ARNT2: variants seen among roughly 807,000 people sequenced by gnomAD.
The protein encoded by ARNT2 is ARNT protein 2.
ARNT2 carries 36 observed loss-of-function variants against 91.7 expected under a neutral mutation model. The ratio of observed to expected loss-of-function variants is 0.39; its 90% confidence interval spans 0.30 to 0.52. The LOEUF (loss-of-function observed/expected upper bound fraction) is 0.52, where lower values mean the gene tolerates loss of function less well. Among genes scored for constraint, ARNT2 ranks in the 20% least tolerant of loss-of-function variants. The pLI, the probability that ARNT2 is intolerant of heterozygous loss-of-function variation, is 0.72. For synonymous variants in ARNT2, 365 were observed against 347.1 expected, an observed-to-expected ratio of 1.05 and a Z score of -0.57; for missense variants, 775 against 939.3, an observed-to-expected ratio of 0.83 and a Z score of 2.29.
intron 1 of ARNT2, among the ~76,000 whole-genome samples, chr15:80,423,977 C>T (rs990149033): frequency 6.6e-6 from 1 of 152,226 alleles, no homozygotes; most frequent in Non-Finnish European, 1.5e-5. Flanking sequence ...TTCTCTTCCT[C>T]GTGGTCCCTT....
chr15:80,574,104 C>A, intron 12 of ARNT2, 44 bp from the exon 13 acceptor site: 1 of 1,572,192 alleles, frequency 6.4e-7, no homozygotes, highest in Non-Finnish European at 8.8e-7. Flanking sequence ...CTATTGTCAC[C>A]CCTTCTGTTC....
At chr15:80,489,626 C>T (rs1466419203) in intron 5 of ARNT2, among the ~76,000 whole-genome samples, 1 of 152,196 alleles carries the variant, frequency 6.6e-6, no homozygotes, top group Non-Finnish European at 1.5e-5. Context: ...GTGAAGTGGC[C>T]ACTGGCTTCT....
chr15:80,440,030 C>T (rs1401060925), intron 1 of ARNT2, among the ~76,000 whole-genome samples: 1 of 152,166 alleles, frequency 6.6e-6, no homozygotes, highest in Non-Finnish European at 1.5e-5. Context: ...CTGCACAGGG[C>T]TCCTGATTCC....
intron 1 of ARNT2, among the ~76,000 whole-genome samples, chr15:80,412,877 G>A (rs926588383): frequency 1.3e-5 from 2 of 152,232 alleles, no homozygotes; most frequent in African/African-American, 4.8e-5. Context: ...GAGAGGCTCA[G>A]AGATTTATCT....
chr15:80,441,754 C>T (rs1308472454), intron 1 of ARNT2, among the ~76,000 whole-genome samples: 1 of 152,186 alleles, frequency 6.6e-6, no homozygotes, highest in African/African-American at 2.4e-5. Context: ...AGGAATTCTA[C>T]ACAGTACGTC....
At chr15:80,543,002 T>C (rs1304336762) in intron 8 of ARNT2, among the ~76,000 whole-genome samples, 1 of 142,688 alleles carries the variant, frequency 7.0e-6, no homozygotes, top group Non-Finnish European at 1.5e-5. Flanking sequence ...GAGGCAGACA[T>C]GGAAGGATGG....
intron 5 of ARNT2, among the ~76,000 whole-genome samples, chr15:80,500,240 A>G (rs1897172766): frequency 6.6e-6 from 1 of 152,178 alleles, no homozygotes; most frequent in Non-Finnish European, 1.5e-5. Context: ...GAGAATAAGA[A>G]CACACTGTCA....
chr15:80,575,716 G>A (rs62006430), intron 14 of ARNT2, among the ~76,000 whole-genome samples: 24,504 of 152,154 alleles, frequency 0.16, 2,183 homozygotes, highest in South Asian at 0.21. Flanking sequence ...TGTTTTCAGT[G>A]TTAGAGGAGC....
In ARNT2 at chr15:80,478,196, G is replaced by C. The variant is rs78903953; in HGVS notation, c.622+2973G>C. Among the ~76,000 whole-genome samples the C allele has an allele frequency of 1.8e-3, 272 of 152,332 alleles. 2 individuals carry two copies. The highest frequency in any genetic ancestry group is 6.3e-3 in the African/African-American group (264 of 41,580). On this transcript the variant is annotated intron_variant, in intron 5 of 18. Coordinates refer to ENST00000303329, the MANE Select transcript of ARNT2 (RefSeq NM_014862.4). ...TTGACAGCTGAAATCACCTTCTCTG[G>C]AAAGTGCTGTCTTTCCCAGACTTCT...
Position 80,567,522 on chromosome 15 carries a change from G to A in ARNT2, c.1316+4283G>A, listed in dbSNP as rs145468008. Among the ~76,000 whole-genome samples the A allele has an allele frequency of 1.2e-3, 183 of 152,248 alleles. 3 individuals carry two copies. Among genetic ancestry groups the A allele is most frequent in the African/African-American group, 4.0e-3 (168 of 41,536 alleles). Reference sequence around the variant, plus strand: ...GGGGGCAGAGAATAAATACTTCCCCGCAGGGCCTCGGAGAAAGCATCCCCA... The same window carrying A: ...GGGGGCAGAGAATAAATACTTCCCCACAGGGCCTCGGAGAAAGCATCCCCA... On this transcript the variant is annotated intron_variant, in intron 12 of 18. Transcript: ENST00000303329.
At chr15:80,448,634 C>T (rs1270333809) in intron 1 of ARNT2, among the ~76,000 whole-genome samples, 1 of 152,202 alleles carries the variant, frequency 6.6e-6, no homozygotes, top group Non-Finnish European at 1.5e-5. Flanking sequence ...GCTAAGATCT[C>T]TTCCAGCCTG....
intron 3 of ARNT2, among the ~76,000 whole-genome samples, chr15:80,464,322 G>C (rs1039472845): frequency 2.0e-5 from 3 of 151,874 alleles, no homozygotes; most frequent in Admixed American, 6.6e-5. Context: ...TGGGGGCTGG[G>C]GGTGGGGGGT....
chr15:80,532,687 A>T (rs370317452), intron 8 of ARNT2, among the ~76,000 whole-genome samples: 2 of 152,200 alleles, frequency 1.3e-5, no homozygotes, highest in African/African-American at 4.8e-5. Flanking sequence ...TTATTCTTCT[A>T]TCAAAAATAT....
intron 5 of ARNT2, among the ~76,000 whole-genome samples, chr15:80,503,531 G>A (rs533438496): frequency 3.3e-5 from 5 of 152,282 alleles, no homozygotes; most frequent in Admixed American, 6.5e-5. Flanking sequence ...CATGTGCTAC[G>A]CAGCTGGGAT....
intron 15 of ARNT2, 57 bp from the exon 16 acceptor site, chr15:80,580,353 CG>C: frequency 6.2e-7 from 1 of 1,603,174 alleles, no homozygotes; most frequent in Non-Finnish European, 8.5e-7. Context: ...TGGCTGGGCA[CG>C]TAGACTCATG....
chr15:80,514,459 C>T, intron 8 of ARNT2, 54 bp downstream of exon 8: 2 of 1,461,896 alleles, frequency 1.4e-6, no homozygotes, highest in Non-Finnish European at 9.6e-7. Flanking sequence ...TCATACCTGA[C>T]CATGGTGTCC....
In ARNT2 at chr15:80,593,756, C is replaced by G. The variant is rs978607402; in HGVS notation, c.*58C>G. On this transcript the variant is annotated 3_prime_UTR_variant, in exon 19 of 19. Coordinates refer to ENST00000303329, the MANE Select transcript of ARNT2 (RefSeq NM_014862.4). Reference sequence around the variant, plus strand: ...GCCACCCATACTGTGATGTCGATGCCCATGTGAATGAGGCCCACCCTCGCC... The same window carrying G: ...GCCACCCATACTGTGATGTCGATGCGCATGTGAATGAGGCCCACCCTCGCC... 8.8e-5 allele frequency: 130 copies of G among 1,483,074 alleles called. No individual in the cohort carries two copies. The highest frequency in any genetic ancestry group is 1.1e-4 in the Non-Finnish European group (124 of 1,084,764). 91.9% of individuals were successfully genotyped at this position (1,483,074 alleles called of 1,614,324 possible). A position where few individuals can be genotyped will look rare whatever the true frequency, so the allele number is the denominator to read the frequency against.
intron 5 of ARNT2, among the ~76,000 whole-genome samples, chr15:80,497,336 G>T (rs1016575542): frequency 5.9e-5 from 9 of 152,248 alleles, no homozygotes; most frequent in Non-Finnish European, 7.3e-5. Flanking sequence ...GATTTGATAG[G>T]CCATGACCAT....
At chr15:80,521,066 G>A (rs546789938) in intron 8 of ARNT2, among the ~76,000 whole-genome samples, 13 of 152,144 alleles carry the variant, frequency 8.5e-5, no homozygotes, top group Admixed American at 2.6e-4. Flanking sequence ...TCCTAGACAC[G>A]ATGTTAACAT....
Sources: gnomAD v4.1 joint callset for allele counts (sites outside exome capture counted in the v4.1 genomes callset) on GRCh38, gnomAD v4.1.1 for gene constraint, MANE v1.5 for transcripts, NCBI Gene and HGNC (gene_info 2026-07-23, HGNC 2026-07-21) for gene names.